Variants in PPP1R9A observed in about 807,000 individuals in gnomAD.
PPP1R9A encodes the protein protein phosphatase 1 regulatory subunit 9A.
In PPP1R9A, 59 loss-of-function variants were observed where a neutral mutation model predicts 141.9. That is an observed-to-expected ratio of 0.42 (90% CI 0.34 to 0.52). PPP1R9A has a LOEUF of 0.52. Among genes scored for constraint, PPP1R9A ranks in the 20% least tolerant of loss-of-function variants. The pLI, the probability that PPP1R9A is intolerant of heterozygous loss-of-function variation, is 0.10. For synonymous variants in PPP1R9A, 500 were observed against 569.7 expected, an observed-to-expected ratio of 0.88 and a Z score of 1.74; for missense variants, 1,444 against 1,611.9, an observed-to-expected ratio of 0.90 and a Z score of 1.78.
chr7:95,109,036 T>C (rs1820079602), intron 2 of PPP1R9A: 1 of 152,216 alleles, frequency 6.6e-6, no homozygotes, highest in Admixed American at 6.5e-5. Flanking sequence ...CAGGCCCAGC[T>C]AACTGTTATT....
Position 95,222,104 on chromosome 7 carries a change from G to A in PPP1R9A, c.1957-3857G>A, listed in dbSNP as rs182733425. Among the ~76,000 whole-genome samples the A allele has an allele frequency of 1.6e-4, 25 of 152,120 alleles. No individual in the cohort carries two copies. The East Asian group carries it at 4.4e-3, about 27-fold the overall frequency. ...AAGCATATTATGAGAGAAGAGAAGA[G>A]GACAAGAACTTTGGAGCCCACTATA... On this transcript the variant is annotated intron_variant, in intron 7 of 19. Coordinates refer to ENST00000433360, the MANE Select transcript of PPP1R9A (RefSeq NM_001166160.2).
intron 2 of PPP1R9A, among the ~76,000 whole-genome samples, chr7:95,072,799 T>TATAATTATTATATATA (rs1295986073): frequency 1.5e-4 from 14 of 95,212 alleles, no homozygotes; most frequent in Admixed American, 5.0e-4. Context: ...ATATTATATT[T>TATAATTATTATATATA]ATAATTATTA....
intron 12 of PPP1R9A, among the ~76,000 whole-genome samples, chr7:95,260,145 A>G (rs1312940173): frequency 1.3e-5 from 2 of 152,192 alleles, no homozygotes; most frequent in Non-Finnish European, 2.9e-5. Flanking sequence ...CATTAAGGCC[A>G]AAATCTGTCC....
intron 2 of PPP1R9A, among the ~76,000 whole-genome samples, chr7:95,084,591 A>G (rs963027124): frequency 2.0e-5 from 3 of 152,124 alleles, no homozygotes; most frequent in African/African-American, 7.2e-5. Flanking sequence ...CCTTCCCAGA[A>G]GTAATCACTC....
chr7:95,154,568 A>C (rs977937764), intron 4 of PPP1R9A: 7 of 152,114 alleles, frequency 4.6e-5, no homozygotes, highest in African/African-American at 1.7e-4. Flanking sequence ...TTTTCTTTAG[A>C]TATTACTATA....
chr7:95,004,482 T>G (rs1213902616), intron 2 of PPP1R9A, among the ~76,000 whole-genome samples: 2 of 152,180 alleles, frequency 1.3e-5, no homozygotes, highest in African/African-American at 4.8e-5. Context: ...TAATTATACC[T>G]TTTTAAATTA....
At position 95,093,052 on chromosome 7, in the gene PPP1R9A, G is replaced by A. The variant is rs17166632; in HGVS notation, c.1396-18207G>A. On this transcript the variant is annotated intron_variant, in intron 2 of 19. Transcript: ENST00000433360. ...TCCCGATATCAATATGGCAGGTGGA[G>A]ATGACATGCCATGCCAACAGGTTTT... is the stretch of plus-strand genomic sequence containing the variant. 5.4e-3 allele frequency among the ~76,000 whole-genome samples: 824 copies of A among 152,294 alleles called. 4 individuals carry two copies. The highest frequency in any genetic ancestry group is 0.019 in the African/African-American group (792 of 41,552).
chr7:95,183,576 G>A (rs1368466934), intron 5 of PPP1R9A, among the ~76,000 whole-genome samples: 3 of 145,526 alleles, frequency 2.1e-5, no homozygotes, highest in Non-Finnish European at 4.5e-5. Flanking sequence ...TCAGCCTCCC[G>A]AGTAGGTGGG....
chr7:95,105,203 C>A (rs901329715), intron 2 of PPP1R9A, among the ~76,000 whole-genome samples: 1 of 152,038 alleles, frequency 6.6e-6, no homozygotes, highest in African/African-American at 2.4e-5. Flanking sequence ...AAGTTTTTTT[C>A]TTATTGTTGA....
chr7:95,033,106 G>A (rs1005004555), intron 2 of PPP1R9A, among the ~76,000 whole-genome samples: 4 of 150,562 alleles, frequency 2.7e-5, no homozygotes, highest in Admixed American at 1.3e-4. Flanking sequence ...CTGGATTCAC[G>A]CCATTCTCTT....
intron 12 of PPP1R9A, among the ~76,000 whole-genome samples, chr7:95,266,020 G>A (rs1585539443): frequency 6.6e-6 from 1 of 152,162 alleles, no homozygotes; most frequent in South Asian, 2.1e-4. Context: ...AATAGTAATA[G>A]AGCAAGGAGT....
At chr7:95,171,461 C>T (rs949429034) in intron 5 of PPP1R9A, among the ~76,000 whole-genome samples, 1 of 151,506 alleles carries the variant, frequency 6.6e-6, no homozygotes, top group Admixed American at 6.6e-5. Flanking sequence ...TTTAGTCAGA[C>T]TTGTTTGATA....
chr7:95,031,739 G>A (rs1807711620), intron 2 of PPP1R9A, among the ~76,000 whole-genome samples: 1 of 149,024 alleles, frequency 6.7e-6, no homozygotes, highest in Non-Finnish European at 1.5e-5. Flanking sequence ...CTGGGCAAGA[G>A]AGTGAGATTT....
At chr7:94,947,948 C>T (rs1796068267) in intron 2 of PPP1R9A, among the ~76,000 whole-genome samples, 1 of 151,982 alleles carries the variant, frequency 6.6e-6, no homozygotes, top group African/African-American at 2.4e-5. Context: ...TTGGGGAGGC[C>T]TGAGTGAAAT....
intron 2 of PPP1R9A, among the ~76,000 whole-genome samples, chr7:95,049,100 T>C (rs1810432096): frequency 6.6e-6 from 1 of 152,148 alleles, no homozygotes; most frequent in Admixed American, 6.5e-5. Flanking sequence ...CTTCTGTTTG[T>C]GTGACCACTG....
chr7:94,970,445 A>G (rs544446147), intron 2 of PPP1R9A, among the ~76,000 whole-genome samples: 1 of 152,012 alleles, frequency 6.6e-6, no homozygotes. Context: ...CAATGCCCCA[A>G]CCTGCTTTGG....
At chr7:95,209,438 A>G (rs922666412) in intron 7 of PPP1R9A, among the ~76,000 whole-genome samples, 1 of 152,172 alleles carries the variant, frequency 6.6e-6, no homozygotes, top group African/African-American at 2.4e-5. Flanking sequence ...GGAAGCGGTT[A>G]CATGCAATCA....
rs374909589 is a variant in PPP1R9A, at chr7:95,274,081, A to C, written c.3213-4A>C. ...CCCTTTCTGACTGCTTACTATCATT[A>C]CAGGGCGCCTTTGCGAAGGAATTCC... On this transcript the variant is annotated splice_polypyrimidine_tract_variant and splice_region_variant and intron_variant, in intron 15 of 19. Coordinates refer to ENST00000433360, the MANE Select transcript of PPP1R9A (RefSeq NM_001166160.2). 6.4e-7 allele frequency: 1 copy of C among 1,566,474 alleles called. No homozygotes were observed. The highest frequency in any genetic ancestry group is 1.3e-5 in the African/African-American group (1 of 74,108).
intron 2 of PPP1R9A, among the ~76,000 whole-genome samples, chr7:94,979,724 G>C (rs1455092531): frequency 2.6e-5 from 4 of 152,132 alleles, no homozygotes; most frequent in Admixed American, 2.6e-4. Flanking sequence ...AAGGAGTAAG[G>C]CTCTTTACTC....
Sources: allele counts gnomAD v4.1 joint callset (sites outside exome capture counted in the v4.1 genomes callset), GRCh38; gene constraint gnomAD v4.1.1; transcripts MANE v1.5; gene names NCBI Gene and HGNC (gene_info 2026-07-23, HGNC 2026-07-21).